Variants in MECOM observed in about 807,000 individuals in gnomAD.
MECOM encodes histone-lysine N-methyltransferase MECOM.
In MECOM, 13 loss-of-function variants were observed where a neutral mutation model predicts 116.3. The observed-to-expected ratio is 0.11, with a 90% CI of 0.07 to 0.18. MECOM has a LOEUF of 0.18. Ranked by LOEUF, MECOM falls within the 10% of genes least tolerant of loss-of-function variation. The pLI, the probability that MECOM is intolerant of heterozygous loss-of-function variation, is 1.00. For synonymous variants in MECOM, 528 were observed against 535.2 expected (o/e 0.99, Z 0.19); for missense variants, 1,299 against 1,509.0 (o/e 0.86, Z 2.31).
chr3:169,221,180 A>C lies in MECOM; in HGVS notation c.376-77348T>G, dbSNP rs76691549. 2.5e-3 allele frequency among the ~76,000 whole-genome samples: 380 copies of C among 152,364 alleles called. 1 individual carries two copies. The highest frequency in any genetic ancestry group is 8.6e-3 in the African/African-American group (359 of 41,590). On this transcript the variant is annotated intron_variant, in intron 2 of 16. Transcript: ENST00000651503. ...CAGTGTTGCAAAGATTAACTAAAGT[A>C]ATCCTTACATAGAATTTAGCATCAT...
intron 2 of MECOM, among the ~76,000 whole-genome samples, chr3:169,354,785 T>G (rs969280547): frequency 6.6e-6 from 1 of 150,832 alleles, no homozygotes; most frequent in Non-Finnish European, 1.5e-5. Context: ...TGTTCAGTTT[T>G]TCCCCCCCTT....
At chr3:169,646,689 C>T (rs1471780089) in intron 1 of MECOM, among the ~76,000 whole-genome samples, 1 of 151,908 alleles carries the variant, frequency 6.6e-6, no homozygotes, top group Non-Finnish European at 1.5e-5. Context: ...TTTCCTTGCC[C>T]TAAAAATATG....
chr3:169,119,614 G>GT (rs1374646907), intron 7 of MECOM, among the ~76,000 whole-genome samples: 2 of 152,094 alleles, frequency 1.3e-5, no homozygotes, highest in Non-Finnish European at 2.9e-5. Context: ...GTTTATTCTA[G>GT]TTTTTTCTCA....
At chr3:169,588,393 A>G (rs572951105) in intron 1 of MECOM, among the ~76,000 whole-genome samples, 1 of 152,272 alleles carries the variant, frequency 6.6e-6, no homozygotes, top group East Asian at 1.9e-4. Flanking sequence ...CATGAGCTAC[A>G]ATATTATGTG....
At chr3:169,525,335 A>C (rs1296964858) in intron 1 of MECOM, among the ~76,000 whole-genome samples, 1 of 152,232 alleles carries the variant, frequency 6.6e-6, no homozygotes, top group Non-Finnish European at 1.5e-5. Context: ...GAATCAATTC[A>C]AGGAGACAAG....
chr3:169,241,234 A>G (rs1012478842), intron 2 of MECOM, among the ~76,000 whole-genome samples: 1 of 152,084 alleles, frequency 6.6e-6, no homozygotes, highest in African/African-American at 2.4e-5. Context: ...GAAGGGGAGA[A>G]CGTAAATTTG....
At chr3:169,557,722 A>T (rs1762196955) in intron 1 of MECOM, among the ~76,000 whole-genome samples, 2 of 152,220 alleles carry the variant, frequency 1.3e-5, no homozygotes, top group South Asian at 4.1e-4. Context: ...TTGTTTGTAG[A>T]TCAGCCAACA....
intron 1 of MECOM, among the ~76,000 whole-genome samples, chr3:169,612,529 T>C (rs1577107986): frequency 6.6e-6 from 1 of 152,296 alleles, no homozygotes; most frequent in Non-Finnish European, 1.5e-5. Flanking sequence ...TTTTAATCTG[T>C]ATGTTCCTGG....
At chr3:169,286,258 G>C (rs1442344643) in intron 2 of MECOM, among the ~76,000 whole-genome samples, 1 of 152,164 alleles carries the variant, frequency 6.6e-6, no homozygotes, top group Non-Finnish European at 1.5e-5. Context: ...GAGGGACCCA[G>C]TAGGGCTGCC....
chr3:169,121,667 A>G (rs972463714), intron 6 of MECOM, among the ~76,000 whole-genome samples: 8 of 152,350 alleles, frequency 5.3e-5, no homozygotes, highest in Admixed American at 1.3e-4. Flanking sequence ...ACACTCTTTC[A>G]GTGAGTTACT....
intron 1 of MECOM, among the ~76,000 whole-genome samples, chr3:169,586,038 G>T (rs2109587041): frequency 6.6e-6 from 1 of 152,270 alleles, no homozygotes; most frequent in East Asian, 1.9e-4. Flanking sequence ...TCAAAACAGA[G>T]AAAACATTTA....
At chr3:169,634,106 A>G (rs1772431645) in intron 1 of MECOM, among the ~76,000 whole-genome samples, 1 of 152,160 alleles carries the variant, frequency 6.6e-6, no homozygotes, top group Non-Finnish European at 1.5e-5. Context: ...CTCCTGAACC[A>G]TTATCACAGA....
At chr3:169,282,055 C>T (rs187107102) in intron 2 of MECOM, among the ~76,000 whole-genome samples, 54 of 152,220 alleles carry the variant, frequency 3.5e-4, no homozygotes, top group Non-Finnish European at 5.6e-4. Flanking sequence ...ACTGAATATT[C>T]GATAAACCTA....
At chr3:169,319,632 G>A (rs1272842552) in intron 2 of MECOM, among the ~76,000 whole-genome samples, 1 of 152,134 alleles carries the variant, frequency 6.6e-6, no homozygotes, top group Non-Finnish European at 1.5e-5. Flanking sequence ...GTTAACGGTT[G>A]GGAAGAAGAG....
At chr3:169,346,086 G>T (rs1398489112) in intron 2 of MECOM, among the ~76,000 whole-genome samples, 1 of 152,034 alleles carries the variant, frequency 6.6e-6, no homozygotes, top group African/African-American at 2.4e-5. Context: ...CATGCAGAGG[G>T]TGATGAAGTT....
intron 2 of MECOM, among the ~76,000 whole-genome samples, chr3:169,186,319 A>G (rs1402204835): frequency 7.3e-6 from 1 of 136,352 alleles, no homozygotes; most frequent in African/African-American, 2.6e-5. Context: ...AAAGGAAGGA[A>G]GAAAGGAAGG....
intron 1 of MECOM, among the ~76,000 whole-genome samples, chr3:169,578,237 G>T (rs1454445892): frequency 1.3e-5 from 2 of 152,062 alleles, no homozygotes; most frequent in African/African-American, 4.8e-5. Flanking sequence ...ATTATTCTGT[G>T]GTCACTATTT....
At position 169,240,096 on chromosome 3, in the gene MECOM, G is replaced by A. The variant is rs151019447; in HGVS notation, c.376-96264C>T. Among the ~76,000 whole-genome samples, 217 of 152,230 alleles carry A rather than the reference G, an allele frequency of 1.4e-3. 1 individual carries two copies. Among genetic ancestry groups the A allele is most frequent in the African/African-American group, 5.0e-3 (208 of 41,540 alleles). On this transcript the variant is annotated intron_variant, in intron 2 of 16. Coordinates refer to ENST00000651503, the MANE Select transcript of MECOM (RefSeq NM_004991.4). ...TCAGCAAGTGTAGTTTAGGAAATTC[G>A]ACAACTATCTAGAAACTGGTTTTAT...
chr3:169,462,078 G>A (rs185274017), intron 1 of MECOM, among the ~76,000 whole-genome samples: 6 of 152,108 alleles, frequency 3.9e-5, no homozygotes, highest in Admixed American at 2.6e-4. Flanking sequence ...GCCAAACCCT[G>A]GTGGCATTCC....
Sources: allele counts gnomAD v4.1 joint callset (sites outside exome capture counted in the v4.1 genomes callset), GRCh38; gene constraint gnomAD v4.1.1; transcripts MANE v1.5; gene names NCBI Gene and HGNC (gene_info 2026-07-23, HGNC 2026-07-21).